GAK: variants seen among roughly 807,000 people sequenced by gnomAD.
The protein encoded by GAK is cyclin G associated kinase, also known as cyclin-G-associated kinase.
In GAK, 79 loss-of-function variants were observed where a neutral mutation model predicts 143.9. The ratio of observed to expected loss-of-function variants is 0.55; its 90% CI spans 0.46 to 0.66. The LOEUF is 0.66. Among genes scored for constraint, GAK ranks in the 30% least tolerant of loss-of-function variants. The pLI, the probability that GAK is intolerant of heterozygous loss-of-function variation, is 0.00. For synonymous variants in GAK, 881 were observed against 765.5 expected (o/e 1.15, Z -2.49); for missense variants, 1,693 against 1,779.7 (o/e 0.95, Z 0.88).
At chr4:906,495 A>G (rs890591209) in intron 4 of GAK, among the ~76,000 whole-genome samples, 22 of 152,116 alleles carry the variant, frequency 1.4e-4, no homozygotes, top group African/African-American at 5.3e-4. Context: ...TGGGGACTGA[A>G]GCATTCACAC....
At chr4:898,673 C>T (rs1467769570) in intron 5 of GAK, among the ~76,000 whole-genome samples, 15 of 152,132 alleles carry the variant, frequency 9.9e-5, no homozygotes, top group Admixed American at 9.8e-4. Context: ...ACACGCCTGA[C>T]CAACATGGTA....
At chr4:884,882 A>G (rs1159492207) in intron 11 of GAK, among the ~76,000 whole-genome samples, 3 of 152,244 alleles carry the variant, frequency 2.0e-5, no homozygotes, top group African/African-American at 4.8e-5. Flanking sequence ...CCATCAGAGG[A>G]AAGCCTGGAT....
intron 26 of GAK, chr4:850,615 C>A (rs879391514): frequency 4.2e-6 from 1 of 235,970 alleles, no homozygotes; most frequent in East Asian, 8.8e-5. Context: ...CTGCAAACAC[C>A]CCGGGGCACT....
intron 18 of GAK, 91 bp downstream of exon 18, chr4:876,438 TC>T: frequency 9.1e-7 from 1 of 1,099,376 alleles, no homozygotes; most frequent in Non-Finnish European, 1.4e-6. Flanking sequence ...AGCCCGCCAC[TC>T]CCCCTGGGGC....
chr4:904,209 G>T (rs1720614380), intron 5 of GAK, among the ~76,000 whole-genome samples: 1 of 149,690 alleles, frequency 6.7e-6, no homozygotes, highest in Admixed American at 6.6e-5. Context: ...CGTGTGGAGG[G>T]AGCCACTACC....
At position 911,689 on chromosome 4, in the gene GAK, G is replaced by A. The variant is rs1560422217; in HGVS notation, c.366C>T (p.Leu122=). 3.1e-6 allele frequency: 5 copies of A among 1,613,448 alleles called. No individual in the cohort carries two copies. Among genetic ancestry groups the A allele is most frequent in the Non-Finnish European group, 4.2e-6 (5 of 1,179,496 alleles). Residue 122 remains leucine (L), a synonymous_variant, in exon 4 of 28, where the codon CTC becomes CTT. Transcript: ENST00000314167. ...GGACGTTACCTTTACAGAGCTCTGTGAGCAAGAGGAACTCAGCCTGCCCCG... is the reference window on the plus strand; with the variant it reads ...GGACGTTACCTTTACAGAGCTCTGTAAGCAAGAGGAACTCAGCCTGCCCCG... ...SDTGQAEFLL[L]TELCKGQLVE...
intron 1 of GAK, among the ~76,000 whole-genome samples, chr4:928,820 A>T (rs1264358281): frequency 1.3e-5 from 2 of 151,840 alleles, no homozygotes; most frequent in African/African-American, 4.8e-5. Context: ...CTGGAGTGCA[A>T]TGGCGTGATC....
At chr4:850,516 C>T (rs1403565836) in intron 26 of GAK, 3 of 191,424 alleles carry the variant, frequency 1.6e-5, no homozygotes, top group East Asian at 1.3e-4. Context: ...ACAGCCTGAC[C>T]GCTGCATCCT....
At chr4:876,930 CA>C (rs1222100009) in intron 17 of GAK, among the ~76,000 whole-genome samples, 159 bp downstream of exon 17, 3 of 152,220 alleles carry the variant, frequency 2.0e-5, no homozygotes, top group Non-Finnish European at 2.9e-5. Context: ...ACGGGGCAAG[CA>C]GGGGGCGCTG....
intron 19 of GAK, 181 bp from the exon 20 acceptor site, chr4:868,866 C>T (rs552641132): frequency 1.1e-5 from 7 of 630,684 alleles, no homozygotes; most frequent in South Asian, 2.0e-5. Context: ...GCTATCCACT[C>T]GGATGCCACT....
chr4:866,888 G>A lies in GAK; in HGVS notation c.2872+68C>T, dbSNP rs992135594. 4 of 1,204,028 alleles carry A rather than the reference G, an allele frequency of 3.3e-6. No homozygotes were observed. In the African/African-American group the frequency reaches 6.1e-5, roughly 18 times the overall value. The allele number at this position is 1,204,028 out of a possible 1,614,324, so 74.6% of individuals were successfully genotyped here. ...AGCACCTTCGAAACACGCCCATGCAGTGAGAATGACTCAGCCTCATCACTC... is the reference window on the plus strand; with the variant it reads ...AGCACCTTCGAAACACGCCCATGCAATGAGAATGACTCAGCCTCATCACTC... On this transcript the variant is annotated intron_variant, in intron 21 of 27. Coordinates refer to ENST00000314167, the MANE Select transcript of GAK (RefSeq NM_005255.4).
Position 898,064 on chromosome 4 carries a change from C to T in GAK, c.620G>A (p.Ser207Asn), listed in dbSNP as rs760687541. The T allele has an allele frequency of 1.9e-6, 3 of 1,614,044 alleles. No homozygotes were observed. In the South Asian group the frequency reaches 3.3e-5, roughly 18 times the overall value. The change falls in exon 6 of 28, where the codon AGC becomes AAC. Residue 207 changes from serine to asparagine, a missense_variant. Coordinates refer to ENST00000314167, the MANE Select transcript of GAK (RefSeq NM_005255.4). ...CTCCACCAGGGCTCGCCTCTGGGCG[C>T]TCCAGCTGTAGTCAGGGTAGTGCGA... ...TISHYPDYSWSAQRRALVEEE... is the reference protein window; with the variant it reads ...TISHYPDYSWNAQRRALVEEE...
In GAK at chr4:932,020, G is replaced by T. The variant is rs376338999; in HGVS notation, c.145+23C>A. ...GAGACAACACTCCGCGGCCGCACCC[G>T]CGCTGCCGACCCGGGGCCTCACCTT... is the stretch of plus-strand genomic sequence containing the variant. On this transcript the variant is annotated intron_variant, in intron 1 of 27. Coordinates refer to ENST00000314167, the MANE Select transcript of GAK (RefSeq NM_005255.4). This position sits in a 1 kb window ranked among gnomAD's most constrained non-coding sequence, Gnocchi z 4.0. 9.2e-4 allele frequency: 1,405 copies of T among 1,532,956 alleles called. 7 individuals carry two copies. The highest frequency in any genetic ancestry group is 5.6e-3 in the South Asian group (484 of 86,856). The allele number at this position is 1,532,956 out of a possible 1,614,324, so 95.0% of individuals were successfully genotyped here. A position where few individuals can be genotyped will look rare whatever the true frequency, so the allele number is the denominator to read the frequency against.
Position 868,637 on chromosome 4 carries a change from G to C in GAK, c.2297C>G (p.Ala766Gly), listed in dbSNP as rs1711587061. Residue 766 changes from alanine to glycine, a missense_variant, in exon 20 of 28, where the codon GCT becomes GGT. Physicochemically the swap from Ala to Gly is moderately conservative, Grantham distance 60. Transcript: ENST00000314167. Reference protein sequence around the residue: ...RQPGSTAQYDAGAGSPEAEPT... With the variant: ...RQPGSTAQYDGGAGSPEAEPT... ...TTCGGCTTCCGGGGACCCTGCCCCA[G>C]CATCATACTGAGCCGTGGAGCCAGG... 6.4e-7 allele frequency: 1 copy of C among 1,567,758 alleles called. No homozygotes were observed. Among genetic ancestry groups the C allele is most frequent in the East Asian group, 2.4e-5 (1 of 41,706 alleles).
rs780618778 is a variant in GAK, at chr4:888,968, G to C, written c.1084C>G (p.Leu362Val). 20 of 1,610,572 alleles carry C rather than the reference G, an allele frequency of 1.2e-5. No homozygotes were observed. Among genetic ancestry groups the C allele is most frequent in the Non-Finnish European group, 1.4e-5 (17 of 1,179,440 alleles). The change falls in exon 11 of 28, where the codon CTG becomes GTG. Residue 362 changes from leucine to valine, a missense_variant and splice_region_variant. Leu to Val is a conservative substitution (Grantham distance 32, BLOSUM62 1). Coordinates refer to ENST00000314167, the MANE Select transcript of GAK (RefSeq NM_005255.4). ...GGCTGGTCGTACTCCGCCAGCGCCA[G>C]GCCTGCAGGGAGACACAGTCTCAGC... ...GPAGSGYSGG[L>V]ALAEYDQPYG...
In GAK at chr4:912,789, T is replaced by C. The variant is rs749058125; in HGVS notation, c.213A>G (p.Leu71=). 9.9e-6 allele frequency: 16 copies of C among 1,613,110 alleles called. No individual in the cohort carries two copies. The Admixed American group carries it at 1.0e-4, about 10-fold the overall frequency. The part of the protein sequence containing the change: ...GSGREYALKR[L]LSNEEEKNRA... The stretch of plus-strand genomic sequence containing the variant: ...TGTTCTTTTCCTCTTCATTGGATAA[T>C]AGCCTCTGTATCAGGAAACAGCACA... The change falls in exon 3 of 28, where the codon CTA becomes CTG. Residue 71 remains leucine (L), a synonymous_variant. Coordinates refer to ENST00000314167, the MANE Select transcript of GAK (RefSeq NM_005255.4).
chr4:859,361 C>T (rs1158615111), intron 24 of GAK: 4 of 1,454,768 alleles, frequency 2.7e-6, no homozygotes, highest in South Asian at 1.2e-5. Context: ...GGATCACGCA[C>T]CACAATGCCG....
chr4:851,476 T>A (rs2152674640), intron 25 of GAK: 2 of 558,696 alleles, frequency 3.6e-6, no homozygotes, highest in Non-Finnish European at 6.4e-6. Context: ...TCCTGATGCC[T>A]CCAGAGTAAA....
chr4:900,395 G>A (rs1400299513), intron 5 of GAK, among the ~76,000 whole-genome samples: 1 of 152,352 alleles, frequency 6.6e-6, no homozygotes, highest in Non-Finnish European at 1.5e-5. Flanking sequence ...TTCCCGCCAC[G>A]CCGCTGTGGA....
Sources: gnomAD v4.1 joint callset for allele counts (sites outside exome capture counted in the v4.1 genomes callset) on GRCh38, gnomAD v4.1.1 for gene constraint, Gnocchi (gnomAD v3.1) non-coding constraint, MANE v1.5 for transcripts, NCBI Gene and HGNC (gene_info 2026-07-23, HGNC 2026-07-21) for gene names.